GRIK3: variants seen among roughly 807,000 people sequenced by gnomAD.
GRIK3 encodes the protein glutamate receptor ionotropic, kainate 3.
GRIK3 carries 29 observed loss-of-function variants against 102.5 expected under a neutral mutation model. The observed-to-expected ratio is 0.28, with a 90% confidence interval of 0.21 to 0.39. The LOEUF is 0.39. GRIK3 is among the 10% of genes least tolerant of loss of function. GRIK3 has a pLI of 1.00. For synonymous variants in GRIK3, 511 were observed against 504.9 expected, an observed-to-expected ratio of 1.01 and a Z score of -0.16; for missense variants, 908 against 1,252.4, an observed-to-expected ratio of 0.73 and a Z score of 4.15.
At chr1:36,896,244 T>C (rs765670188) in intron 1 of GRIK3, among the ~76,000 whole-genome samples, 3 of 152,162 alleles carry the variant, frequency 2.0e-5, no homozygotes, top group Non-Finnish European at 4.4e-5. Context: ...TTTTTCTTAC[T>C]CTTAATTGAT....
intron 1 of GRIK3, among the ~76,000 whole-genome samples, chr1:37,001,834 T>C (rs1167808525): frequency 6.6e-6 from 1 of 152,128 alleles, no homozygotes; most frequent in African/African-American, 2.4e-5. Flanking sequence ...ATAACAGGTG[T>C]GTTGTCAAGC....
chr1:36,945,445 A>G lies in GRIK3; in HGVS notation c.116-54349T>C, dbSNP rs575915589. Among the ~76,000 whole-genome samples, 416 of 152,276 alleles carry G rather than the reference A, an allele frequency of 2.7e-3. 3 individuals are homozygous for G. Among genetic ancestry groups the G allele is most frequent in the African/African-American group, 9.0e-3 (376 of 41,550 alleles). ...CTGGGTTTCGGCCAGGGAATGGAAA[A>G]ACCCAAGTGTCAATCATAGGCTTTC... is the stretch of plus-strand genomic sequence containing the variant. On this transcript the variant is annotated intron_variant, in intron 1 of 15. Coordinates refer to ENST00000373091, the MANE Select transcript of GRIK3 (RefSeq NM_000831.4).
intron 1 of GRIK3, among the ~76,000 whole-genome samples, chr1:37,009,606 A>ATGTGTG (rs142546190): frequency 6.6e-6 from 1 of 151,908 alleles, no homozygotes; most frequent in Non-Finnish European, 1.5e-5. Context: ...GTGTGTGTGT[A>ATGTGTG]TGTGTGTGTG....
chr1:36,944,312 G>A (rs978370622), intron 1 of GRIK3, among the ~76,000 whole-genome samples: 1 of 152,244 alleles, frequency 6.6e-6, no homozygotes, highest in African/African-American at 2.4e-5. Flanking sequence ...AAAGTGGGAT[G>A]AACTTGGTTG....
rs182371004 is a variant in GRIK3 at position 36,915,703 on chromosome 1, G to A, written c.116-24607C>T. On this transcript the variant is annotated intron_variant, in intron 1 of 15. Coordinates refer to ENST00000373091, the MANE Select transcript of GRIK3 (RefSeq NM_000831.4). ...GGTTTTAATAAAGGGGAGTTTCCCT[G>A]AACAAGCTCTCTTCTCTTGTTTGCC... Among the ~76,000 whole-genome samples the A allele has an allele frequency of 2.0e-3, 312 of 152,234 alleles. 3 individuals carry two copies. Among genetic ancestry groups the A allele is most frequent in the Non-Finnish European group, 3.5e-4 (24 of 68,022 alleles).
intron 1 of GRIK3, among the ~76,000 whole-genome samples, chr1:36,954,203 C>A (rs1017867987): frequency 6.6e-6 from 1 of 152,224 alleles, no homozygotes; most frequent in Non-Finnish European, 1.5e-5. Flanking sequence ...GAAGCTCTCA[C>A]CCCTCACCAA....
intron 1 of GRIK3, among the ~76,000 whole-genome samples, chr1:36,982,799 G>A (rs550920406): frequency 3.7e-5 from 5 of 134,314 alleles, no homozygotes; most frequent in Admixed American, 1.6e-4. Context: ...GAGAGGGAGG[G>A]AAGTGAGCAG....
intron 1 of GRIK3, among the ~76,000 whole-genome samples, chr1:37,012,477 T>G (rs886386787): frequency 6.6e-6 from 1 of 152,132 alleles, no homozygotes; most frequent in African/African-American, 2.4e-5. Flanking sequence ...CTGTGCAAGG[T>G]CACAATTGCA....
chr1:36,954,958 G>T (rs1641886212), intron 1 of GRIK3, among the ~76,000 whole-genome samples: 1 of 152,230 alleles, frequency 6.6e-6, no homozygotes, highest in African/African-American at 2.4e-5. Flanking sequence ...CAGGTCCATA[G>T]GAGCCCTGGG....
rs928877251 is a variant in GRIK3 at position 36,985,491 on chromosome 1, G to T, written c.115+48503C>A. Among the ~76,000 whole-genome samples, 16 of 152,318 alleles carry T rather than the reference G, an allele frequency of 1.1e-4. 1 individual carries two copies. Among genetic ancestry groups the T allele is most frequent in the Middle Eastern group, 6.8e-3 (2 of 294 alleles). On this transcript the variant is annotated intron_variant, in intron 1 of 15. Transcript: ENST00000373091. ...TTCCTTGATCTCTGGAGTGGGGGCT[G>T]CAAGAGCAGGCAGTGGAAAGTTTAT...
intron 1 of GRIK3, among the ~76,000 whole-genome samples, chr1:36,916,467 T>C (rs563252494): frequency 8.5e-5 from 13 of 152,258 alleles, no homozygotes; most frequent in African/African-American, 2.9e-4. Flanking sequence ...CTCCAGGGAA[T>C]ATCAGAGGTC....
chr1:36,991,360 T>C (rs1441413508), intron 1 of GRIK3, among the ~76,000 whole-genome samples: 2 of 152,284 alleles, frequency 1.3e-5, no homozygotes, highest in East Asian at 3.9e-4. Context: ...GACACCATCT[T>C]CCTTAACTTC....
intron 1 of GRIK3, among the ~76,000 whole-genome samples, chr1:36,904,185 A>G (rs1428738940): frequency 6.6e-6 from 1 of 152,258 alleles, no homozygotes; most frequent in Non-Finnish European, 1.5e-5. Flanking sequence ...ACACGTGAAC[A>G]CACAACTGTG....
chr1:36,802,884 T>G (rs1367062058), intron 15 of GRIK3, among the ~76,000 whole-genome samples: 1 of 152,116 alleles, frequency 6.6e-6, no homozygotes, highest in Non-Finnish European at 1.5e-5. Flanking sequence ...TTTCCTCACC[T>G]ACTACATGCA....
intron 9 of GRIK3, among the ~76,000 whole-genome samples, chr1:36,847,663 C>T (rs903371352): frequency 6.6e-6 from 1 of 152,216 alleles, no homozygotes; most frequent in South Asian, 2.1e-4. Context: ...ATGCTCTGAA[C>T]TCTATGAAGT....
chr1:36,922,341 C>A (rs1364423658), intron 1 of GRIK3, among the ~76,000 whole-genome samples: 3 of 152,188 alleles, frequency 2.0e-5, no homozygotes, highest in African/African-American at 7.2e-5. Context: ...TGCCCTGTGG[C>A]AGGTACCACC....
chr1:36,817,316 C>G, intron 12 of GRIK3, 39 bp from the exon 13 acceptor site: 1 of 1,370,692 alleles, frequency 7.3e-7, no homozygotes, highest in Non-Finnish European at 1.0e-6. Flanking sequence ...CTTACAACAT[C>G]CAGACTAGCG....
At position 36,801,782 on chromosome 1, in the gene GRIK3, C is replaced by A; in HGVS notation, c.*69G>T. 1 of 1,352,826 alleles carries A rather than the reference C, an allele frequency of 7.4e-7. No individual in the cohort carries two copies. Among genetic ancestry groups the A allele is most frequent in the East Asian group, 2.4e-5 (1 of 42,062 alleles). The allele number at this position is 1,352,826 out of a possible 1,614,324, so 83.8% of individuals were successfully genotyped here. A position where few individuals can be genotyped will look rare whatever the true frequency, so the allele number is the denominator to read the frequency against. ...CCAAGCCCAGTGCGGGGACAGGGGACGTTCCTTCCAATCTCCTTTGCTTTC... is the reference window on the plus strand; with the variant it reads ...CCAAGCCCAGTGCGGGGACAGGGGAAGTTCCTTCCAATCTCCTTTGCTTTC... On this transcript the variant is annotated 3_prime_UTR_variant, in exon 16 of 16. Coordinates refer to ENST00000373091, the MANE Select transcript of GRIK3 (RefSeq NM_000831.4).
intron 1 of GRIK3, among the ~76,000 whole-genome samples, chr1:37,032,290 C>A (rs1365075621): frequency 6.6e-6 from 1 of 152,184 alleles, no homozygotes; most frequent in Non-Finnish European, 1.5e-5. Context: ...ACTTCCATCC[C>A]TGAGGCTGGG....
Sources: allele counts gnomAD v4.1 joint callset (sites outside exome capture counted in the v4.1 genomes callset), GRCh38; gene constraint gnomAD v4.1.1; transcripts MANE v1.5; gene names NCBI Gene and HGNC (gene_info 2026-07-23, HGNC 2026-07-21).